The following CSMD1 variants were observed in gnomAD, a reference collection of about 807,000 sequenced individuals.
CSMD1 encodes CUB and sushi domain-containing protein 1.
CSMD1 carries 213 observed loss-of-function variants against 417.5 expected under a neutral mutation model. The ratio of observed to expected loss-of-function variants is 0.51; its 90% CI spans 0.46 to 0.57. The LOEUF is 0.57. CSMD1 is among the 20% of genes least tolerant of loss of function. The probability of loss-of-function intolerance (pLI) is 0.00; values close to 1 mark genes in which losing one functional copy is unlikely to be tolerated. For synonymous variants in CSMD1, 2,862 were observed against 1,736.8 expected (o/e 1.65, Z -16.11); for missense variants, 6,923 against 4,529.7 (o/e 1.53, Z -15.17).
intron 2 of CSMD1, among the ~76,000 whole-genome samples, chr8:4,574,183 T>C (rs1198885494): frequency 6.6e-6 from 1 of 151,860 alleles, no homozygotes; most frequent in Non-Finnish European, 1.5e-5. Context: ...AAAAAACCTC[T>C]TGCAGCTAGC....
At chr8:4,111,651 CA>C (rs1366846446) in intron 3 of CSMD1, among the ~76,000 whole-genome samples, 1 of 152,168 alleles carries the variant, frequency 6.6e-6, no homozygotes, top group Admixed American at 6.5e-5. Context: ...CCATTATCTT[CA>C]GCAAATTCCT....
intron 23 of CSMD1, among the ~76,000 whole-genome samples, chr8:3,324,635 G>GAGACCCAGGAGGGGGAGTTTCTTCCC (rs1806403198): frequency 7.3e-6 from 1 of 136,778 alleles, no homozygotes; most frequent in Admixed American, 7.6e-5. Flanking sequence ...GTTAAAATAG[G>GAGACCCAGGAGGGGGAGTTTCTTCCC]CCCACACCCC....
intron 5 of CSMD1, among the ~76,000 whole-genome samples, chr8:3,841,963 C>CA (rs1803166535): frequency 6.6e-6 from 1 of 152,138 alleles, no homozygotes; most frequent in Non-Finnish European, 1.5e-5. Flanking sequence ...TTACTGCTTC[C>CA]AAAAGCAGTT....
chr8:4,366,811 A>C (rs879735275), intron 3 of CSMD1, among the ~76,000 whole-genome samples: 1 of 151,924 alleles, frequency 6.6e-6, no homozygotes, highest in Non-Finnish European at 1.5e-5. Flanking sequence ...GCACCCATTA[A>C]CTCGTCATTT....
chr8:4,846,938 T>C lies in CSMD1; in HGVS notation c.85+147394A>G, dbSNP rs142423070. ...ATGTGCTTCTAAAACAGGCTATTCA[T>C]TGGGAGAAAAAGATTATGTAGTGAT... On this transcript the variant is annotated intron_variant, in intron 1 of 69. Transcript: ENST00000635120. Among the ~76,000 whole-genome samples, 377 of 152,294 alleles carry C rather than the reference T, an allele frequency of 2.5e-3. 2 individuals are homozygous for C. The highest frequency in any genetic ancestry group is 8.7e-3 in the African/African-American group (362 of 41,552).
intron 2 of CSMD1, among the ~76,000 whole-genome samples, chr8:4,427,925 G>T (rs1797658507): frequency 1.3e-5 from 2 of 152,072 alleles, no homozygotes; most frequent in Admixed American, 1.3e-4. Flanking sequence ...TTTATTTAAG[G>T]CACTTTATTT....
chr8:4,237,834 G>A (rs1263714875), intron 3 of CSMD1, among the ~76,000 whole-genome samples: 6 of 152,158 alleles, frequency 3.9e-5, no homozygotes, highest in Admixed American at 1.3e-4. Context: ...TTTAAAAAGG[G>A]AAGCTTTATA....
intron 3 of CSMD1, among the ~76,000 whole-genome samples, chr8:4,270,881 C>A (rs993909403): frequency 6.6e-6 from 1 of 152,174 alleles, no homozygotes; most frequent in African/African-American, 2.4e-5. Flanking sequence ...CTGAGGACCT[C>A]ATTCCTTCAA....
intron 5 of CSMD1, among the ~76,000 whole-genome samples, chr8:3,940,891 C>CT (rs1284679140): frequency 1.3e-5 from 2 of 149,776 alleles, no homozygotes; most frequent in African/African-American, 4.9e-5. Context: ...CTCCCTTCTC[C>CT]CCCCGAGATT....
intron 41 of CSMD1, among the ~76,000 whole-genome samples, chr8:3,134,470 T>C (rs1271519402): frequency 6.6e-6 from 1 of 152,138 alleles, no homozygotes; most frequent in East Asian, 1.9e-4. Context: ...GCCGTAAAAC[T>C]TGAGAGGAGC....
At chr8:3,284,423 C>G in intron 25 of CSMD1, 77 bp from the exon 26 acceptor site, 5 of 1,111,624 alleles carry the variant, frequency 4.5e-6, no homozygotes, top group East Asian at 2.5e-5. Context: ...AGTAAGCAAG[C>G]TCATTTCGCT....
chr8:4,929,965 T>C (rs999954337), intron 1 of CSMD1, among the ~76,000 whole-genome samples: 1 of 152,202 alleles, frequency 6.6e-6, no homozygotes, highest in African/African-American at 2.4e-5. Context: ...AGTTTTCTGT[T>C]GTGAGATCAG....
chr8:3,709,953 AC>A (rs1801414263), intron 6 of CSMD1, among the ~76,000 whole-genome samples: 1 of 150,856 alleles, frequency 6.6e-6, no homozygotes, highest in East Asian at 2.0e-4. Context: ...GCACTGACCA[AC>A]CCCCAACCCC....
intron 12 of CSMD1, among the ~76,000 whole-genome samples, chr8:3,411,138 G>A (rs572427046): frequency 3.9e-5 from 6 of 152,132 alleles, no homozygotes; most frequent in African/African-American, 1.2e-4. Context: ...GAGACCTGGT[G>A]TCATCTGACT....
intron 5 of CSMD1, among the ~76,000 whole-genome samples, chr8:3,925,666 C>A (rs187431195): frequency 4.0e-5 from 6 of 151,862 alleles, no homozygotes; most frequent in Admixed American, 1.3e-4. Context: ...TCCACTTTTG[C>A]CTCCTCCTCA....
chr8:4,321,628 C>G (rs1256802053), intron 3 of CSMD1, among the ~76,000 whole-genome samples: 2 of 152,158 alleles, frequency 1.3e-5, no homozygotes, highest in African/African-American at 2.4e-5. Flanking sequence ...CCTTTCTGCT[C>G]TACCTCTGCA....
chr8:3,056,264 A>T (rs1408262662), intron 49 of CSMD1, among the ~76,000 whole-genome samples: 1 of 152,242 alleles, frequency 6.6e-6, no homozygotes, highest in African/African-American at 2.4e-5. Flanking sequence ...GTGTTGTCTG[A>T]ACCTTTAATA....
At chr8:4,016,942 G>C (rs1318397164) in intron 4 of CSMD1, among the ~76,000 whole-genome samples, 1 of 152,156 alleles carries the variant, frequency 6.6e-6, no homozygotes, top group Admixed American at 6.5e-5. Context: ...CTCAAAAGAT[G>C]AAACTCCTTA....
chr8:3,010,978 G>A (rs113081751), intron 52 of CSMD1, among the ~76,000 whole-genome samples: 1,889 of 151,968 alleles, frequency 0.012, 39 homozygotes, highest in African/African-American at 0.043. Flanking sequence ...TGCCCACCTC[G>A]GCCTCCCAAA....
Sources: allele counts gnomAD v4.1 joint callset (sites outside exome capture counted in the v4.1 genomes callset), GRCh38; gene constraint gnomAD v4.1.1; transcripts MANE v1.5; gene names NCBI Gene and HGNC (gene_info 2026-07-23, HGNC 2026-07-21).